Variants in NFATC1 observed in about 807,000 individuals in gnomAD.
NFATC1 encodes nuclear factor of activated T cells 1.
A neutral mutation model predicts 76.0 loss-of-function variants in NFATC1; 22 were observed. The observed-to-expected ratio is 0.29, with a 90% CI of 0.21 to 0.41. The LOEUF is 0.41. NFATC1 is among the 10% of genes least tolerant of loss of function. The probability of loss-of-function intolerance (pLI) is 1.00; values close to 1 mark genes in which losing one functional copy is unlikely to be tolerated. For missense variants in NFATC1, 1,357 were observed against 1,337.7 expected (o/e 1.01, Z -0.23); for synonymous variants, 704 against 613.1 (o/e 1.15, Z -2.19).
chr18:79,477,900 C>T (rs896540205), intron 8 of NFATC1, among the ~76,000 whole-genome samples: 1 of 152,198 alleles, frequency 6.6e-6, no homozygotes, highest in African/African-American at 2.4e-5. Flanking sequence ...CCCGTTGGAT[C>T]AGGGCCCCAC....
chr18:79,398,656 G>A (rs1386361484), intron 1 of NFATC1, among the ~76,000 whole-genome samples: 1 of 152,248 alleles, frequency 6.6e-6, no homozygotes, highest in Non-Finnish European at 1.5e-5. Flanking sequence ...CAGGGCCCGC[G>A]GCCTGGGGCC....
chr18:79,401,522 G>C (rs1034697566), intron 1 of NFATC1, among the ~76,000 whole-genome samples: 2 of 152,250 alleles, frequency 1.3e-5, no homozygotes, highest in African/African-American at 4.8e-5. Flanking sequence ...GTGGGAGAGA[G>C]ACCCGCCGGA....
At position 79,467,521 on chromosome 18, in the gene NFATC1, C is replaced by T. The variant is rs373507959; in HGVS notation, c.2031C>T (p.Tyr677=). 11 of 1,613,946 alleles carry T rather than the reference C, an allele frequency of 6.8e-6. No homozygotes were observed. The highest frequency in any genetic ancestry group is 4.5e-5 in the East Asian group (2 of 44,864). ...RITSPVHVSF[Y]VCNGKRKRSQ... Reference sequence around the variant, plus strand: ...CCAGCCCCGTTCACGTCAGTTTCTACGTCTGCAACGGGAAGAGAAAGCGAA... The same window carrying T: ...CCAGCCCCGTTCACGTCAGTTTCTATGTCTGCAACGGGAAGAGAAAGCGAA... Residue 677 remains tyrosine, a synonymous_variant, in exon 8 of 10, where the codon TAC becomes TAT. Coordinates refer to ENST00000427363, the MANE Select transcript of NFATC1 (RefSeq NM_001278669.2).
chr18:79,490,676 G>A (rs1160677726), intron 9 of NFATC1, among the ~76,000 whole-genome samples: 3 of 152,198 alleles, frequency 2.0e-5, no homozygotes, highest in East Asian at 1.9e-4. Context: ...CACGGGCCGA[G>A]CCGTTTCCCG....
intron 2 of NFATC1, chr18:79,422,457 G>A (rs990860149): frequency 2.0e-5 from 3 of 151,830 alleles, no homozygotes; most frequent in Admixed American, 6.6e-5. Flanking sequence ...GGATGAGTGG[G>A]TGACGGGGGT....
At chr18:79,425,185 CTCTGTCTCTCTGTT>C (rs2086272004) in intron 2 of NFATC1, among the ~76,000 whole-genome samples, 1 of 151,638 alleles carries the variant, frequency 6.6e-6, no homozygotes, top group Admixed American at 6.6e-5. Context: ...GTCTCTCTGT[CTCTGTCTCTCTGTT>C]TCTCTCCCTG....
chr18:79,479,930 G>A (rs188501277), intron 8 of NFATC1, among the ~76,000 whole-genome samples: 33 of 152,336 alleles, frequency 2.2e-4, no homozygotes, highest in Middle Eastern at 3.4e-3. Flanking sequence ...GAAACCATCC[G>A]GCCAACCCCA....
intron 1 of NFATC1, among the ~76,000 whole-genome samples, chr18:79,407,042 C>T (rs899442235): frequency 6.6e-5 from 10 of 152,232 alleles, no homozygotes; most frequent in Non-Finnish European, 1.3e-4. Context: ...GACGCCCAGG[C>T]GGAGCTCTCA....
intron 9 of NFATC1, among the ~76,000 whole-genome samples, chr18:79,487,822 G>C (rs1316257278): frequency 6.6e-6 from 1 of 152,160 alleles, no homozygotes; most frequent in African/African-American, 2.4e-5. Context: ...TGCGCGTTGT[G>C]ATCGGGGCGT....
At chr18:79,404,945 T>G (rs1309748684) in intron 1 of NFATC1, among the ~76,000 whole-genome samples, 2 of 152,378 alleles carry the variant, frequency 1.3e-5, no homozygotes, top group East Asian at 3.9e-4. Context: ...TTTTTGTGGT[T>G]GTTCAGAAAC....
intron 3 of NFATC1, among the ~76,000 whole-genome samples, chr18:79,436,250 C>T (rs548041328): frequency 2.1e-4 from 32 of 152,324 alleles, no homozygotes; most frequent in African/African-American, 3.1e-4. Context: ...GGCGCGAGGA[C>T]GAGGCCGTGG....
chr18:79,488,966 G>A (rs1049460522), intron 9 of NFATC1, among the ~76,000 whole-genome samples: 1 of 151,904 alleles, frequency 6.6e-6, no homozygotes, highest in African/African-American at 2.4e-5. Context: ...CTTGGGGTGG[G>A]TGAGCAGCGG....
intron 1 of NFATC1, chr18:79,400,451 C>T (rs896935800): frequency 2.0e-6 from 3 of 1,490,762 alleles, no homozygotes; most frequent in African/African-American, 2.9e-5. Context: ...TTAACCAGCG[C>T]GACGAGGGCG....
At chr18:79,449,702 G>A (rs1171511267) in intron 4 of NFATC1, among the ~76,000 whole-genome samples, 1 of 152,234 alleles carries the variant, frequency 6.6e-6, no homozygotes, top group Non-Finnish European at 1.5e-5. Flanking sequence ...TCCTGCGAGG[G>A]TGACCCGCAG....
chr18:79,469,659 A>G, intron 8 of NFATC1: 1 of 985,892 alleles, frequency 1.0e-6, no homozygotes. Flanking sequence ...CATCTGCTCC[A>G]GCATGGCTCA....
intron 1 of NFATC1, among the ~76,000 whole-genome samples, chr18:79,407,878 C>G (rs1330851846): frequency 6.6e-6 from 1 of 152,226 alleles, no homozygotes; most frequent in Non-Finnish European, 1.5e-5. Flanking sequence ...CCAAGGCGCT[C>G]AGCCTCAGCG....
rs1242256823 is a variant in NFATC1, at chr18:79,458,618, T to G, written c.1904-2693T>G. ...CCCTAATGATCTGGAATATTTTTAC[T>G]CCTGCACTCGGGCAGTTTCCTACTA... is the stretch of plus-strand genomic sequence containing the variant. On this transcript the variant is annotated intron_variant, in intron 6 of 9. Coordinates refer to ENST00000427363, the MANE Select transcript of NFATC1 (RefSeq NM_001278669.2). Among the ~76,000 whole-genome samples, 3 of 152,234 alleles carry G rather than the reference T, an allele frequency of 2.0e-5. No individual in the cohort carries two copies. The East Asian group carries it at 5.8e-4, about 29-fold the overall frequency.
Position 79,411,010 on chromosome 18 carries a change from C to T in NFATC1, c.735C>T (p.Ser245=), listed in dbSNP as rs771702857. The T allele has an allele frequency of 1.3e-5, 21 of 1,610,832 alleles. No individual in the cohort carries two copies. Among genetic ancestry groups the T allele is most frequent in the Middle Eastern group, 1.6e-4 (1 of 6,072 alleles). The change falls in exon 2 of 10, where the codon AGC becomes AGT. Residue 245 remains serine (S), a synonymous_variant. Transcript: ENST00000427363. The part of the protein sequence containing the change: ...RHSPSTSPRA[S]VTEESWLGAR... Reference sequence around the variant, plus strand: ...CCCCCTCCACCTCGCCCCGCGCCAGCGTCACTGAGGAGAGCTGGCTGGGTG... The same window carrying T: ...CCCCCTCCACCTCGCCCCGCGCCAGTGTCACTGAGGAGAGCTGGCTGGGTG...
chr18:79,526,777 C>T (rs1018381994), intron 9 of NFATC1, among the ~76,000 whole-genome samples: 33 of 152,336 alleles, frequency 2.2e-4, no homozygotes, highest in East Asian at 2.1e-3. Flanking sequence ...TCCAGGAAGC[C>T]GCCCTGAGAC....
Sources: allele counts gnomAD v4.1 joint callset (sites outside exome capture counted in the v4.1 genomes callset), GRCh38; gene constraint gnomAD v4.1.1; transcripts MANE v1.5; gene names NCBI Gene and HGNC (gene_info 2026-07-23, HGNC 2026-07-21).